NXT2: variants seen among roughly 807,000 people sequenced by gnomAD.
NXT2 encodes nuclear transport factor 2 like export factor 2.
Under a neutral mutation model 9.6 loss-of-function variants are expected in NXT2, and 1 was observed. The observed-to-expected ratio is 0.10, with a 90% CI of 0.04 to 0.49. The LOEUF (loss-of-function observed/expected upper bound fraction) is 0.49. NXT2 is among the 20% of genes least tolerant of loss of function. The probability of loss-of-function intolerance (pLI) is 0.95; values close to 1 mark genes in which losing one functional copy is unlikely to be tolerated. For missense variants in NXT2, 48 were observed against 100.3 expected (o/e 0.48, Z 2.23); for synonymous variants, 22 against 35.4 (o/e 0.62, Z 1.34).
At position 109,543,266 on chromosome X, in the gene NXT2, T is replaced by A. The variant is rs1286567185; in HGVS notation, c.*578T>A. 8 of 112,324 alleles carry A rather than the reference T, an allele frequency of 7.1e-5. No homozygotes were observed. The highest frequency in any genetic ancestry group is 2.9e-4 in the Admixed American group (3 of 10,524). 9.3% of individuals were successfully genotyped at this position (112,324 alleles called of 1,213,427 possible). On this transcript the variant is annotated 3_prime_UTR_variant, in exon 4 of 4. Coordinates refer to ENST00000372106, the MANE Select transcript of NXT2 (RefSeq NM_001242617.2). ...ATTTTTGTTTTGGCATTTTTTTGTG[T>A]GAAGTAAATTAATCAACTAGAGAGG...
chrX:109,536,410 G>A (rs1343100484), upstream of NXT2, among the ~76,000 whole-genome samples: 1 of 112,655 alleles, frequency 8.9e-6, no homozygotes, highest in Non-Finnish European at 1.9e-5. Flanking sequence ...CAATGTGGCT[G>A]GGTTAAAATG....
intron 2 of NXT2, among the ~76,000 whole-genome samples, chrX:109,539,927 G>A (rs1271659475): frequency 1.8e-5 from 2 of 111,742 alleles, no homozygotes; most frequent in Non-Finnish European, 3.8e-5. Context: ...GCCCATGCCT[G>A]TGTCCTGAAT....
At chrX:109,542,192 G>A (rs1400154707) in intron 3 of NXT2, among the ~76,000 whole-genome samples, 2 of 111,152 alleles carry the variant, frequency 1.8e-5, no homozygotes, top group Admixed American at 9.7e-5. Context: ...AATAAGCTCT[G>A]TTAGAAACCT....
chrX:109,539,865 C>T (rs1933374586), intron 2 of NXT2, among the ~76,000 whole-genome samples: 1 of 112,067 alleles, frequency 8.9e-6, no homozygotes, highest in Non-Finnish European at 1.9e-5. Flanking sequence ...TCCCATTTGT[C>T]AATTTTGGTT....
chrX:109,536,040 G>A (rs757327321), upstream of NXT2: 185 of 917,603 alleles, frequency 2.0e-4, no homozygotes, highest in Non-Finnish European at 2.7e-4. Context: ...GCTTTGGGAT[G>A]AGAGGTTTTT....
At chrX:109,541,408 C>A in intron 2 of NXT2, 67 bp from the exon 3 acceptor site, 2 of 967,248 alleles carry the variant, frequency 2.1e-6, no homozygotes, top group South Asian at 2.6e-5. Flanking sequence ...TATTTTAATC[C>A]ATTTCTATAA....
In NXT2 at chrX:109,540,731, G is replaced by A. The variant is rs752540519; in HGVS notation, c.103-744G>A. Among the ~76,000 whole-genome samples, 5 of 111,812 alleles carry A rather than the reference G, an allele frequency of 4.5e-5. No individual in the cohort carries two copies. The South Asian group carries it at 1.9e-3, about 41-fold the overall frequency. ...GCCTCATTTGGGCCTTAACTTATTT[G>A]ACTTATCGAAGTCTCTGCTTTAGCA... On this transcript the variant is annotated intron_variant, in intron 2 of 3. Transcript: ENST00000372106.
At position 109,543,648 on chromosome X, in the gene NXT2, A is replaced by G. The variant is rs1039017835; in HGVS notation, c.*960A>G. 1 of 112,175 alleles carries G rather than the reference A, an allele frequency of 8.9e-6. No individual in the cohort carries two copies. The highest frequency in any genetic ancestry group is 1.9e-5 in the Non-Finnish European group (1 of 53,045). 9.2% of individuals were successfully genotyped at this position (112,175 alleles called of 1,213,427 possible). A position where few individuals can be genotyped will look rare whatever the true frequency, so the allele number is the denominator to read the frequency against. On this transcript the variant is annotated 3_prime_UTR_variant, in exon 4 of 4. Coordinates refer to ENST00000372106, the MANE Select transcript of NXT2 (RefSeq NM_001242617.2). Reference sequence around the variant, plus strand: ...TTTAGATCTTTTTACTTCACCTCATACTTATCACCAATGTATATCTCCATT... The same window carrying G: ...TTTAGATCTTTTTACTTCACCTCATGCTTATCACCAATGTATATCTCCATT...
At chrX:109,542,450 CT>C in intron 3 of NXT2, 56 bp from the exon 4 acceptor site, 1 of 1,025,745 alleles carries the variant, frequency 9.7e-7, no homozygotes, top group Non-Finnish European at 1.3e-6. Flanking sequence ...GCCTGAAAAT[CT>C]GCTTATTTAG....
At position 109,542,821 on chromosome X, in the gene NXT2, C is replaced by T. The variant is rs1933448946; in HGVS notation, c.*133C>T. On this transcript the variant is annotated 3_prime_UTR_variant, in exon 4 of 4. Coordinates refer to ENST00000372106, the MANE Select transcript of NXT2 (RefSeq NM_001242617.2). The stretch of plus-strand genomic sequence containing the variant: ...TTAATATTTTCTATTCCTGTCAGCA[C>T]CTTTTCTAGCAGCTGCCAGTTTGGA... 1 of 490,409 alleles carries T rather than the reference C, an allele frequency of 2.0e-6. No homozygotes were observed. The highest frequency in any genetic ancestry group is 2.4e-5 in the African/African-American group (1 of 41,040). The allele number at this position is 490,409 out of a possible 1,213,427, so 40.4% of individuals were successfully genotyped here.
chrX:109,536,471 A>C (rs1933275724), upstream of NXT2, among the ~76,000 whole-genome samples: 1 of 112,644 alleles, frequency 8.9e-6, no homozygotes, highest in Non-Finnish European at 1.9e-5. Context: ...AGTGAGGATG[A>C]TCCTTCCAGA....
intron 2 of NXT2, among the ~76,000 whole-genome samples, chrX:109,540,303 T>C (rs1277082953): frequency 3.6e-5 from 4 of 111,534 alleles, no homozygotes; most frequent in Admixed American, 9.5e-5. Context: ...TGTCAATATA[T>C]GTGTTGACCT....
upstream of NXT2, chrX:109,536,753 TCAAA>T: frequency 1.2e-6 from 1 of 860,970 alleles, no homozygotes; most frequent in Non-Finnish European, 1.5e-6. Context: ...AAACTAAGTA[TCAAA>T]CAAGTAGATA....
chrX:109,536,839 A>T, upstream of NXT2: 7 of 1,123,052 alleles, frequency 6.2e-6, no homozygotes, highest in Non-Finnish European at 8.3e-6. Context: ...TGTGCTTTTA[A>T]CGACGGACCG....
At chrX:109,541,640 G>A (rs1308525249) in intron 3 of NXT2, 21 bp downstream of exon 3, 1 of 1,162,159 alleles carries the variant, frequency 8.6e-7, no homozygotes, top group East Asian at 3.0e-5. Flanking sequence ...GATCTTTCAA[G>A]ATGCTTCCTT....
intron 2 of NXT2, among the ~76,000 whole-genome samples, chrX:109,538,958 G>T (rs866199101): frequency 2.7e-5 from 3 of 111,088 alleles, no homozygotes; most frequent in African/African-American, 9.9e-5. Context: ...GTGCCAAGGT[G>T]GTTTGCTGCA....
At chrX:109,538,013 G>A in intron 1 of NXT2, 32 bp from the exon 2 acceptor site, 1 of 965,347 alleles carries the variant, frequency 1.0e-6, no homozygotes, top group South Asian at 2.0e-5. Flanking sequence ...TGAAAAGGTT[G>A]GTAATCTATA....
chrX:109,543,377 G>C lies in NXT2; in HGVS notation c.*689G>C, dbSNP rs750176167. ...CTTCCTAAAAAGATTTTTCTTGGCA[G>C]CTCCAGGTCTATACATTTAGGTAAT... On this transcript the variant is annotated 3_prime_UTR_variant, in exon 4 of 4. Transcript: ENST00000372106. 2.7e-5 allele frequency: 3 copies of C among 111,908 alleles called. No individual in the cohort carries two copies. The highest frequency in any genetic ancestry group is 2.8e-4 in the East Asian group (1 of 3,601). The allele number at this position is 111,908 out of a possible 1,213,427, so 9.2% of individuals were successfully genotyped here.
In NXT2 at chrX:109,542,515, A is replaced by G; in HGVS notation, c.256A>G (p.Thr86Ala). ...LDCQPVHEQA[T>A]QSQTTVLVVT... The stretch of plus-strand genomic sequence containing the variant: ...TTTTAATGTGGATGAAGAGCAAGCA[A>G]CTCAGTCCCAAACTACAGTTCTTGT... The change falls in exon 4 of 4, where the codon ACT becomes GCT. Residue 86 changes from threonine (T) to alanine (A), a missense_variant. By Grantham distance (58) the Thr-to-Ala change is moderately conservative. Coordinates refer to ENST00000372106, the MANE Select transcript of NXT2 (RefSeq NM_001242617.2). 1 of 1,196,418 alleles carries G rather than the reference A, an allele frequency of 8.4e-7. No individual in the cohort carries two copies. Among genetic ancestry groups the G allele is most frequent in the Middle Eastern group, 2.3e-4 (1 of 4,280 alleles).
Sources: allele counts gnomAD v4.1 joint callset (sites outside exome capture counted in the v4.1 genomes callset), GRCh38; gene constraint gnomAD v4.1.1; transcripts MANE v1.5; gene names NCBI Gene and HGNC (gene_info 2026-07-23, HGNC 2026-07-21).